HIKESHI: variants seen among roughly 807,000 people sequenced by gnomAD.
HIKESHI encodes heat shock protein nuclear import factor hikeshi.
HIKESHI carries 13 observed loss-of-function variants against 25.7 expected under a neutral mutation model. The ratio of observed to expected loss-of-function variants is 0.51; its 90% CI spans 0.33 to 0.80. The LOEUF (loss-of-function observed/expected upper bound fraction) is 0.80, where lower values mean the gene tolerates loss of function less well. Ranked by LOEUF, HIKESHI falls within the 30% of genes least tolerant of loss-of-function variation. The probability of loss-of-function intolerance (pLI) is 0.02; values close to 1 mark genes in which losing one functional copy is unlikely to be tolerated. For synonymous variants in HIKESHI, 76 were observed against 78.7 expected, an observed-to-expected ratio of 0.97 and a Z score of 0.18; for missense variants, 174 against 229.5, an observed-to-expected ratio of 0.76 and a Z score of 1.56.
rs71040229 is a variant in HIKESHI, at chr11:86,316,771, C to CTTTTT, written c.268+10325_268+10329dup. ...TTATGAGTAATGAATCTGAAACATT[C>CTTTTT]TTTTTTTTTTTTTTTTTTTTTTTTT... On this transcript the variant is annotated intron_variant, in intron 2 of 4. Transcript: ENST00000278483. Among the ~76,000 whole-genome samples the CTTTTT allele has an allele frequency of 8.3e-3, 570 of 68,758 alleles. 89 individuals carry two copies. The highest frequency in any genetic ancestry group is 0.011 in the Non-Finnish European group (405 of 37,468). 45.1% of individuals were successfully genotyped at this position (68,758 alleles called of 152,430 possible).
At chr11:86,327,460 G>A (rs923217351) in intron 2 of HIKESHI, among the ~76,000 whole-genome samples, 1 of 151,944 alleles carries the variant, frequency 6.6e-6, no homozygotes, top group Non-Finnish European at 1.5e-5. Context: ...GACCACAGGC[G>A]CCTGCCACCA....
intron 2 of HIKESHI, among the ~76,000 whole-genome samples, chr11:86,330,646 TCTC>T (rs1358879517): frequency 1.3e-5 from 2 of 152,226 alleles, no homozygotes; most frequent in Non-Finnish European, 2.9e-5. Context: ...ACTACCTAAG[TCTC>T]CTCAGTGAAG....
At chr11:86,322,185 C>CCAT (rs1947167041) in intron 2 of HIKESHI, among the ~76,000 whole-genome samples, 1 of 152,034 alleles carries the variant, frequency 6.6e-6, no homozygotes, top group African/African-American at 2.4e-5. Context: ...GAGGGTTTCA[C>CCAT]CGTGCTGGTC....
At chr11:86,318,721 T>G (rs1352977493) in intron 2 of HIKESHI, among the ~76,000 whole-genome samples, 1 of 152,222 alleles carries the variant, frequency 6.6e-6, no homozygotes. Context: ...AACCCCATTC[T>G]ACTCATCCTC....
At chr11:86,319,244 T>TATATA (rs1331217688) in intron 2 of HIKESHI, among the ~76,000 whole-genome samples, 58 of 100,196 alleles carry the variant, frequency 5.8e-4, no homozygotes, top group Non-Finnish European at 7.2e-4. Context: ...ATATATATAT[T>TATATA]TTTTTTTTTT....
chr11:86,325,481 C>G (rs1289961563), intron 2 of HIKESHI, among the ~76,000 whole-genome samples: 5 of 151,852 alleles, frequency 3.3e-5, no homozygotes, highest in African/African-American at 1.2e-4. Context: ...TCAGGTAGGA[C>G]TAAATTTGAA....
intron 2 of HIKESHI, among the ~76,000 whole-genome samples, chr11:86,316,285 T>G (rs1303474933): frequency 6.6e-6 from 1 of 150,920 alleles, no homozygotes; most frequent in Non-Finnish European, 1.5e-5. Context: ...CCAAGGTAGG[T>G]GGATCACTTT....
intron 2 of HIKESHI, among the ~76,000 whole-genome samples, chr11:86,331,210 C>A (rs1947414859): frequency 6.6e-6 from 1 of 152,100 alleles, no homozygotes; most frequent in African/African-American, 2.4e-5. Context: ...CCAGATAGGG[C>A]CAGGTGCAGT....
chr11:86,329,383 G>A (rs1424613042), intron 2 of HIKESHI, among the ~76,000 whole-genome samples: 1 of 151,978 alleles, frequency 6.6e-6, no homozygotes, highest in African/African-American at 2.4e-5. Flanking sequence ...TTTGTTGCTA[G>A]TATTATAGAA....
intron 2 of HIKESHI, among the ~76,000 whole-genome samples, chr11:86,312,568 A>G (rs1400837491): frequency 6.6e-6 from 1 of 152,166 alleles, no homozygotes; most frequent in Non-Finnish European, 1.5e-5. Context: ...ATTTAAGGTT[A>G]ATATTGCTGT....
intron 3 of HIKESHI, chr11:86,344,393 C>T (rs1947815163): frequency 2.4e-6 from 1 of 421,154 alleles, no homozygotes; most frequent in Non-Finnish European, 4.2e-6. Flanking sequence ...GTCTTGAATG[C>T]CTGGCCTCAA....
chr11:86,344,665 C>G lies in HIKESHI; in HGVS notation c.483C>G (p.Ala161=). Reference sequence around the variant, plus strand: ...CTTCATCATTTGCTGTCTCTCAGGCCCAGATGACACCAAGCCCATCTGAAA... The same window carrying G: ...CTTCATCATTTGCTGTCTCTCAGGCGCAGATGACACCAAGCCCATCTGAAA... The part of the protein sequence containing the change: ...NFASSFAVSQ[A]QMTPSPSEMF... Residue 161 remains alanine (A), a synonymous_variant, in exon 4 of 5, where the codon GCC becomes GCG. Coordinates refer to ENST00000278483, the MANE Select transcript of HIKESHI (RefSeq NM_016401.4). 6.2e-7 allele frequency: 1 copy of G among 1,612,288 alleles called. No homozygotes were observed.
intron 2 of HIKESHI, among the ~76,000 whole-genome samples, chr11:86,308,298 AATAT>A (rs1234855412): frequency 4.6e-5 from 1 of 21,750 alleles, no homozygotes; most frequent in Admixed American, 5.3e-4. Context: ...TATTACATAT[AATAT>A]ATATTATATA....
chr11:86,331,318 A>T lies in HIKESHI; in HGVS notation c.269-6061A>T, dbSNP rs574365558. Among the ~76,000 whole-genome samples, 217 of 152,200 alleles carry T rather than the reference A, an allele frequency of 1.4e-3. 1 individual carries two copies. Among genetic ancestry groups the T allele is most frequent in the African/African-American group, 5.1e-3 (213 of 41,532 alleles). ...AGCCTGGCCAACATTGTGAAACCCC[A>T]TGTCTACTAAAAATACAAAAATTAG... is the stretch of plus-strand genomic sequence containing the variant. On this transcript the variant is annotated intron_variant, in intron 2 of 4. Transcript: ENST00000278483.
chr11:86,327,238 T>A (rs1218167973), intron 2 of HIKESHI, among the ~76,000 whole-genome samples: 2 of 152,188 alleles, frequency 1.3e-5, no homozygotes, highest in African/African-American at 2.4e-5. Context: ...TGCAGTGTTC[T>A]AGGTTTTCAT....
At chr11:86,319,811 T>G (rs1450455609) in intron 2 of HIKESHI, among the ~76,000 whole-genome samples, 1 of 152,164 alleles carries the variant, frequency 6.6e-6, no homozygotes, top group Admixed American at 6.5e-5. Flanking sequence ...TTGGCAGGAT[T>G]CTTATAGGTG....
intron 3 of HIKESHI, among the ~76,000 whole-genome samples, chr11:86,340,146 A>G (rs1266932254): frequency 6.6e-6 from 1 of 152,146 alleles, no homozygotes; most frequent in Non-Finnish European, 1.5e-5. Flanking sequence ...AATCCAGTCT[A>G]TCATTGGTGG....
At chr11:86,309,159 T>G (rs1946765382) in intron 2 of HIKESHI, among the ~76,000 whole-genome samples, 1 of 152,188 alleles carries the variant, frequency 6.6e-6, no homozygotes, top group Non-Finnish European at 1.5e-5. Flanking sequence ...TCTTCCACAA[T>G]GGTTGAACTA....
intron 2 of HIKESHI, among the ~76,000 whole-genome samples, chr11:86,322,403 A>G (rs867294726): frequency 1.3e-4 from 19 of 151,706 alleles, no homozygotes; most frequent in African/African-American, 4.4e-4. Flanking sequence ...AGAGTTCTAT[A>G]TGTGTGTGTG....
Sources: allele counts gnomAD v4.1 joint callset (sites outside exome capture counted in the v4.1 genomes callset), GRCh38; gene constraint gnomAD v4.1.1; transcripts MANE v1.5; gene names NCBI Gene and HGNC (gene_info 2026-07-23, HGNC 2026-07-21).